EXOC6: variants seen among roughly 807,000 people sequenced by gnomAD.
The protein encoded by EXOC6 is exocyst complex component 6, also known as SEC15-like 1.
EXOC6 carries 60 observed loss-of-function variants against 112.5 expected under a neutral mutation model. The observed-to-expected ratio is 0.53, with a 90% CI of 0.43 to 0.66. The LOEUF (loss-of-function observed/expected upper bound fraction) is 0.66, where lower values mean the gene tolerates loss of function less well. Ranked by LOEUF, EXOC6 falls within the 30% of genes least tolerant of loss-of-function variation. EXOC6 has a pLI of 0.00. For synonymous variants in EXOC6, 295 were observed against 308.0 expected (o/e 0.96, Z 0.44); for missense variants, 855 against 957.1 (o/e 0.89, Z 1.41).
chr10:92,930,928 A>G (rs1186368971), intron 9 of EXOC6, among the ~76,000 whole-genome samples: 2 of 152,080 alleles, frequency 1.3e-5, no homozygotes, highest in Non-Finnish European at 2.9e-5. Context: ...CCTAGCAAAC[A>G]TGGTGAAACC....
At chr10:93,048,464 C>A (rs1054249496) in intron 20 of EXOC6, among the ~76,000 whole-genome samples, 1 of 151,334 alleles carries the variant, frequency 6.6e-6, no homozygotes, top group African/African-American at 2.4e-5. Flanking sequence ...TTTGGTGAAA[C>A]CTCGTCTCTA....
intron 20 of EXOC6, among the ~76,000 whole-genome samples, chr10:93,017,822 T>G (rs1425521870): frequency 1.3e-5 from 2 of 151,518 alleles, no homozygotes; most frequent in African/African-American, 4.8e-5. Flanking sequence ...CCGTCCTGGC[T>G]AACACAGTGA....
chr10:92,962,963 ACCTGCCTGGACC>A (rs1854099564), intron 17 of EXOC6, among the ~76,000 whole-genome samples: 1 of 152,184 alleles, frequency 6.6e-6, no homozygotes, highest in African/African-American at 2.4e-5. Flanking sequence ...TATTCTTGTT[ACCTGCCTGGACC>A]CTGAAGGCAT....
chr10:92,849,347 A>G (rs2490732), intron 1 of EXOC6, among the ~76,000 whole-genome samples: 34,899 of 152,126 alleles, frequency 0.23, 4,902 homozygotes, highest in Non-Finnish European at 0.31. Flanking sequence ...TTAAAATTGC[A>G]TTAATTTTTC....
At chr10:93,023,003 T>G (rs1258788686) in intron 20 of EXOC6, among the ~76,000 whole-genome samples, 1 of 151,882 alleles carries the variant, frequency 6.6e-6, no homozygotes, top group African/African-American at 2.4e-5. Context: ...TTTTTTTTTT[T>G]TTTCAGTCTG....
upstream of EXOC6, among the ~76,000 whole-genome samples, chr10:92,832,400 C>T (rs1278748221): frequency 1.3e-5 from 2 of 152,118 alleles, no homozygotes; most frequent in Non-Finnish European, 2.9e-5. Context: ...GCCTCAGGCT[C>T]TGGAGTAGCT....
chr10:92,911,899 GTTTC>G (rs1753084048), intron 6 of EXOC6, among the ~76,000 whole-genome samples: 1 of 109,076 alleles, frequency 9.2e-6, no homozygotes, highest in Non-Finnish European at 1.7e-5. Context: ...TTTCTTGTGG[GTTTC>G]TCTCTCTCTC....
intron 1 of EXOC6, 62 bp from the exon 2 acceptor site, chr10:92,893,287 C>G (rs1362920225): frequency 2.4e-6 from 3 of 1,245,522 alleles, no homozygotes; most frequent in East Asian, 2.4e-5. Context: ...TCACCTCTTG[C>G]AAAGATCAGG....
At chr10:92,896,065 A>G (rs1389339426) in intron 4 of EXOC6, among the ~76,000 whole-genome samples, 2 of 33,726 alleles carry the variant, frequency 5.9e-5, no homozygotes, top group East Asian at 8.5e-3. Context: ...ATGTGTATAT[A>G]TATGTGTATA....
In EXOC6 at chr10:92,867,312, G is replaced by A. The variant is rs61860827; in HGVS notation, c.101+18678G>A. On this transcript the variant is annotated intron_variant, in intron 1 of 21. Transcript: ENST00000260762. ...TCACCAAGTAAATGATCATAAAATC[G>A]AATTCTCAATCATTGCTGCCATTTA... 9.1e-3 allele frequency among the ~76,000 whole-genome samples: 1,385 copies of A among 152,190 alleles called. 61 individuals are homozygous for A. The highest frequency in any genetic ancestry group is 5.2e-3 in the Non-Finnish European group (353 of 68,028).
At chr10:92,975,262 C>T (rs564916070) in intron 18 of EXOC6, among the ~76,000 whole-genome samples, 2,172 of 151,784 alleles carry the variant, frequency 0.014, 51 homozygotes, top group African/African-American at 0.05. Flanking sequence ...GCCGCGACCC[C>T]GTCTGGGAGG....
intron 5 of EXOC6, 138 bp downstream of exon 5, chr10:92,899,782 G>T (rs963451055): frequency 8.8e-6 from 5 of 566,704 alleles, no homozygotes; most frequent in Non-Finnish European, 1.5e-5. Flanking sequence ...TAAAATTTGC[G>T]CATCAGGATA....
At chr10:92,837,870 G>A (rs1360052332) in intron 1 of EXOC6, among the ~76,000 whole-genome samples, 1 of 152,168 alleles carries the variant, frequency 6.6e-6, no homozygotes, top group African/African-American at 2.4e-5. Flanking sequence ...GAGGTAGAGA[G>A]AATACTGAAG....
At chr10:93,003,083 G>T (rs560653863) in intron 19 of EXOC6, among the ~76,000 whole-genome samples, 1 of 152,268 alleles carries the variant, frequency 6.6e-6, no homozygotes, top group Admixed American at 6.5e-5. Context: ...TAAGCAATAA[G>T]AAGTGAGTTT....
At chr10:93,034,717 CT>C (rs1449335367) in intron 20 of EXOC6, among the ~76,000 whole-genome samples, 1 of 152,298 alleles carries the variant, frequency 6.6e-6, no homozygotes, top group Non-Finnish European at 1.5e-5. Context: ...CCAGTTTATT[CT>C]TTTATGATGA....
intron 17 of EXOC6, among the ~76,000 whole-genome samples, chr10:92,957,859 C>G (rs1466962386): frequency 6.6e-6 from 1 of 152,136 alleles, no homozygotes; most frequent in East Asian, 1.9e-4. Flanking sequence ...TTACCTCTTT[C>G]ACAAAAACGA....
chr10:92,909,458 T>G lies in EXOC6; in HGVS notation c.490T>G (p.Leu164Val), dbSNP rs1418421328. 1 of 1,613,336 alleles carries G rather than the reference T, an allele frequency of 6.2e-7. No homozygotes were observed. The highest frequency in any genetic ancestry group is 8.5e-7 in the Non-Finnish European group (1 of 1,179,616). Residue 164 changes from leucine to valine, a missense_variant, in exon 6 of 22, where the codon TTA becomes GTA. By Grantham distance (32) the Leu-to-Val change is conservative. This residue lies in a region of EXOC6 where 405 missense variants were observed against 393.6 expected (regional missense o/e 1.03). Coordinates refer to ENST00000260762, the MANE Select transcript of EXOC6 (RefSeq NM_019053.6). ...TTCTGCCCTAAAAACTATGGAACAA[T>G]TAGAGAATGTGTACTTTCCCTGGGT... ...YYSALKTMEQ[L>V]ENVYFPWVSQ...
At chr10:92,873,895 TA>T (rs1043910084) in intron 1 of EXOC6, among the ~76,000 whole-genome samples, 2 of 151,260 alleles carry the variant, frequency 1.3e-5, no homozygotes, top group African/African-American at 2.4e-5. Flanking sequence ...TACTAAAATA[TA>T]AAAAAAATTA....
chr10:93,040,669 C>A (rs2134329619), intron 20 of EXOC6, among the ~76,000 whole-genome samples: 1 of 152,332 alleles, frequency 6.6e-6, no homozygotes, highest in Non-Finnish European at 1.5e-5. Context: ...TCATTCATTT[C>A]TCAATCCATT....
Sources: allele counts gnomAD v4.1 joint callset (sites outside exome capture counted in the v4.1 genomes callset), GRCh38; gene constraint gnomAD v4.1.1; regional missense constraint gnomAD v4.1.1; transcripts MANE v1.5; gene names NCBI Gene and HGNC (gene_info 2026-07-23, HGNC 2026-07-21).